The following F13A1 variants were observed in gnomAD, a reference collection of about 807,000 sequenced individuals.
The protein encoded by F13A1 is FSF, A subunit.
A neutral mutation model predicts 80.1 loss-of-function variants in F13A1; 47 were observed. The observed-to-expected ratio is 0.59, with a 90% CI of 0.46 to 0.75. The LOEUF is 0.75. F13A1 is among the 30% of genes least tolerant of loss of function. F13A1 has a pLI of 0.00. For missense variants in F13A1, 817 were observed against 930.4 expected, an observed-to-expected ratio of 0.88 and a Z score of 1.59; for synonymous variants, 349 against 344.9, an observed-to-expected ratio of 1.01 and a Z score of -0.13.
chr6:6,259,800 A>G (rs912759815), intron 4 of F13A1, among the ~76,000 whole-genome samples: 1 of 152,194 alleles, frequency 6.6e-6, no homozygotes, highest in African/African-American at 2.4e-5. Flanking sequence ...GGAGAATGGA[A>G]TGGGGGAACA....
chr6:6,223,734 G>A (rs994836703), intron 7 of F13A1, among the ~76,000 whole-genome samples: 11 of 151,770 alleles, frequency 7.2e-5, no homozygotes, highest in African/African-American at 2.7e-4. Context: ...GAGACTTTGA[G>A]CTAAAACAAA....
At chr6:6,313,280 C>T (rs867792104) in intron 2 of F13A1, among the ~76,000 whole-genome samples, 36 of 126,744 alleles carry the variant, frequency 2.8e-4, no homozygotes, top group African/African-American at 7.3e-4. Context: ...GCTAAGCCGC[C>T]TTTTTTTTTT....
chr6:6,209,248 G>A (rs1332320277), intron 8 of F13A1, among the ~76,000 whole-genome samples: 2 of 151,258 alleles, frequency 1.3e-5, no homozygotes, highest in Non-Finnish European at 2.9e-5. Context: ...CAACGTCATT[G>A]GTCATTAGAG....
At chr6:6,256,320 A>G (rs563176498) in intron 4 of F13A1, among the ~76,000 whole-genome samples, 90 of 152,238 alleles carry the variant, frequency 5.9e-4, no homozygotes, top group African/African-American at 2.1e-3. Context: ...CCAGAGTAGG[A>G]GCGGCTGCAC....
intron 8 of F13A1, among the ~76,000 whole-genome samples, chr6:6,218,591 C>T (rs541016750): frequency 2.6e-5 from 4 of 152,294 alleles, no homozygotes; most frequent in East Asian, 1.9e-4. Flanking sequence ...TTCTGAGGTT[C>T]CTGAGTCCCC....
Position 6,156,658 on chromosome 6 carries a change from T to C in F13A1, c.1909-4709A>G, listed in dbSNP as rs150630872. 6.6e-5 allele frequency among the ~76,000 whole-genome samples: 10 copies of C among 152,342 alleles called. No individual in the cohort carries two copies. The East Asian group carries it at 1.9e-3, about 29-fold the overall frequency. On this transcript the variant is annotated intron_variant, in intron 13 of 14. Coordinates refer to ENST00000264870, the MANE Select transcript of F13A1 (RefSeq NM_000129.4). The stretch of plus-strand genomic sequence containing the variant: ...CACAGGCACTGCCCCTGCTTTTAGC[T>C]GACACTTAGATGAACACTTACTGAC...
At chr6:6,251,009 T>C (rs1561668274) in intron 4 of F13A1, 80 bp from the exon 5 acceptor site, 17 of 1,135,360 alleles carry the variant, frequency 1.5e-5, no homozygotes, top group Non-Finnish European at 2.3e-5. Context: ...AAGTTTATTT[T>C]GTTTCTAAAC....
chr6:6,265,245 T>C (rs1161924040), intron 4 of F13A1, among the ~76,000 whole-genome samples: 1 of 152,150 alleles, frequency 6.6e-6, no homozygotes, highest in Non-Finnish European at 1.5e-5. Flanking sequence ...CATACAAGGA[T>C]CATTCAAAAT....
In F13A1 at chr6:6,277,253, G is replaced by A. The variant is rs1460347863; in HGVS notation, c.320-10444C>T. On this transcript the variant is annotated intron_variant, in intron 3 of 14. Coordinates refer to ENST00000264870, the MANE Select transcript of F13A1 (RefSeq NM_000129.4). ...TGGGAGGCTGAGGCAGGAGAATGGC[G>A]TGAACCCGGGAGGCGGAGCTTGCAG... is the stretch of plus-strand genomic sequence containing the variant. Among the ~76,000 whole-genome samples the A allele has an allele frequency of 9.8e-5, 4 of 40,658 alleles. 1 individual carries two copies. The East Asian group carries it at 1.6e-3, about 16-fold the overall frequency. 26.7% of individuals were successfully genotyped at this position (40,658 alleles called of 152,430 possible).
intron 3 of F13A1, among the ~76,000 whole-genome samples, chr6:6,285,078 T>A (rs1490021317): frequency 6.6e-6 from 1 of 151,110 alleles, no homozygotes; most frequent in Non-Finnish European, 1.5e-5. Context: ...ATCCCGTTTC[T>A]ACTAAAAATA....
At chr6:6,256,905 C>T (rs530620790) in intron 4 of F13A1, among the ~76,000 whole-genome samples, 1 of 151,674 alleles carries the variant, frequency 6.6e-6, no homozygotes, top group African/African-American at 2.4e-5. Flanking sequence ...AGGAATTAAA[C>T]AAAACTATGG....
chr6:6,264,400 C>T (rs1368143058), intron 4 of F13A1, among the ~76,000 whole-genome samples: 1 of 152,124 alleles, frequency 6.6e-6, no homozygotes. Context: ...CAATAACAAA[C>T]TCTTGATTGA....
chr6:6,235,538 C>T (rs1019544333), intron 6 of F13A1, among the ~76,000 whole-genome samples: 1 of 151,956 alleles, frequency 6.6e-6, no homozygotes, highest in Non-Finnish European at 1.5e-5. Context: ...AAAAGATGCT[C>T]AGTATCATCA....
At chr6:6,293,568 C>A (rs1298173916) in intron 3 of F13A1, among the ~76,000 whole-genome samples, 2 of 151,868 alleles carry the variant, frequency 1.3e-5, no homozygotes, top group Non-Finnish European at 2.9e-5. Flanking sequence ...CTCATGAACG[C>A]AGTTATCAAA....
In F13A1 at chr6:6,293,727, A is replaced by AAGGGAGGAAGGGAGGAAGGGAGGG. The variant is rs1758266581; in HGVS notation, c.319+11600_319+11623dup. ...AGAAAGAAAGAAGGAAGAAGGAAAGAAGGGAGGAAGGGAGGAAGGGAGGGA... is the reference window on the plus strand; with the variant it reads ...AGAAAGAAAGAAGGAAGAAGGAAAGAAGGGAGGAAGGGAGGAAGGGAGGGAGGGAGGAAGGGAGGAAGGGAGGGA... On this transcript the variant is annotated intron_variant, in intron 3 of 14. Coordinates refer to ENST00000264870, the MANE Select transcript of F13A1 (RefSeq NM_000129.4). 9.1e-5 allele frequency among the ~76,000 whole-genome samples: 13 copies of AAGGGAGGAAGGGAGGAAGGGAGGG among 143,058 alleles called. No individual in the cohort carries two copies. The South Asian group carries it at 3.1e-3, about 34-fold the overall frequency. The allele number at this position is 143,058 out of a possible 152,430, so 93.9% of individuals were successfully genotyped here.
Position 6,237,022 on chromosome 6 carries a change from T to TA in F13A1, c.798+11289dup, listed in dbSNP as rs926014555. Reference sequence around the variant, plus strand: ...GGTTTTGCAAAAGAAACTCAGTAGTTACGGTGTTGTGGGGTGGGGCAGGTG... The same window carrying TA: ...GGTTTTGCAAAAGAAACTCAGTAGTTAACGGTGTTGTGGGGTGGGGCAGGTG... On this transcript the variant is annotated intron_variant, in intron 6 of 14. Transcript: ENST00000264870. Among the ~76,000 whole-genome samples, 19 of 152,250 alleles carry TA rather than the reference T, an allele frequency of 1.2e-4. 1 individual carries two copies. Among genetic ancestry groups the TA allele is most frequent in the African/African-American group, 4.6e-4 (19 of 41,566 alleles).
intron 12 of F13A1, among the ~76,000 whole-genome samples, chr6:6,171,798 G>A (rs1760780097): frequency 6.6e-6 from 1 of 152,198 alleles, no homozygotes; most frequent in African/African-American, 2.4e-5. Flanking sequence ...CTTTGTTCCT[G>A]ATTCTGGCTC....
intron 3 of F13A1, chr6:6,305,129 T>G: frequency 1.7e-6 from 1 of 604,200 alleles, no homozygotes; most frequent in Non-Finnish European, 3.0e-6. Context: ...CAGTTTTACT[T>G]TTATTTATAT....
chr6:6,204,453 A>AAATC (rs1761452230), intron 8 of F13A1, among the ~76,000 whole-genome samples: 1 of 152,256 alleles, frequency 6.6e-6, no homozygotes, highest in South Asian at 2.1e-4. Context: ...TCTATCTTGC[A>AAATC]AATCATTTGT....
Sources: allele counts gnomAD v4.1 joint callset (sites outside exome capture counted in the v4.1 genomes callset), GRCh38; gene constraint gnomAD v4.1.1; transcripts MANE v1.5; gene names NCBI Gene and HGNC (gene_info 2026-07-23, HGNC 2026-07-21).